The following AGFG1 variants were observed in gnomAD, a reference collection of about 807,000 sequenced individuals.
The protein encoded by AGFG1 is ArfGAP with FG repeats 1.
Under a neutral mutation model 60.6 loss-of-function variants are expected in AGFG1, and 10 were observed. The observed-to-expected ratio is 0.16, with a 90% CI of 0.10 to 0.28. The LOEUF is 0.28. Ranked by LOEUF, AGFG1 falls within the 10% of genes least tolerant of loss-of-function variation. AGFG1 has a pLI of 1.00. For missense variants in AGFG1, 537 were observed against 676.5 expected (o/e 0.79, Z 2.29); for synonymous variants, 247 against 242.9 (o/e 1.02, Z -0.16).
chr2:227,488,934 C>T (rs767502004), intron 1 of AGFG1, among the ~76,000 whole-genome samples: 3 of 152,190 alleles, frequency 2.0e-5, no homozygotes, highest in Non-Finnish European at 4.4e-5. Flanking sequence ...CTGCCTCAGC[C>T]TCCCGAGTAG....
intron 2 of AGFG1, among the ~76,000 whole-genome samples, chr2:227,503,089 C>T (rs1691208640): frequency 2.6e-5 from 4 of 151,808 alleles, no homozygotes. Flanking sequence ...AAAAGTTAGC[C>T]AGGCATGGTG....
intron 1 of AGFG1, among the ~76,000 whole-genome samples, chr2:227,481,099 C>CTTTTTTTTTTTTTTTTTTTT (rs36152184): frequency 4.0e-5 from 3 of 75,726 alleles, no homozygotes; most frequent in Non-Finnish European, 4.7e-5. Context: ...GTGTTTTAGG[C>CTTTTTTTTTTTTTTTTTTTT]TTTTTTTTTT....
chr2:227,551,129 C>A (rs923434413), intron 10 of AGFG1, among the ~76,000 whole-genome samples: 1 of 152,124 alleles, frequency 6.6e-6, no homozygotes, highest in African/African-American at 2.4e-5. Flanking sequence ...GTAATACCAG[C>A]GAGGCATGGC....
At chr2:227,487,798 C>G (rs1690685354) in intron 1 of AGFG1, among the ~76,000 whole-genome samples, 1 of 152,170 alleles carries the variant, frequency 6.6e-6, no homozygotes, top group South Asian at 2.1e-4. Flanking sequence ...ACTCATCACT[C>G]TGAATGCTAC....
chr2:227,542,325 G>C (rs1692516083), intron 10 of AGFG1, among the ~76,000 whole-genome samples: 1 of 152,080 alleles, frequency 6.6e-6, no homozygotes, highest in Admixed American at 6.5e-5. Context: ...ATTATTTTGA[G>C]GTATGTTCCA....
intron 10 of AGFG1, among the ~76,000 whole-genome samples, chr2:227,539,207 C>T (rs1365503028): frequency 6.6e-6 from 1 of 152,110 alleles, no homozygotes; most frequent in African/African-American, 2.4e-5. Context: ...CTTTGGGAGG[C>T]CAAGGCGGGT....
intron 5 of AGFG1, among the ~76,000 whole-genome samples, chr2:227,525,457 C>T (rs1382074736): frequency 6.6e-6 from 1 of 152,162 alleles, no homozygotes; most frequent in East Asian, 1.9e-4. Context: ...TTTCCATACA[C>T]ATACATACGT....
chr2:227,493,277 T>G (rs1690871856), intron 2 of AGFG1, among the ~76,000 whole-genome samples: 1 of 152,212 alleles, frequency 6.6e-6, no homozygotes, highest in African/African-American at 2.4e-5. Flanking sequence ...TTAATCATCT[T>G]GTATAACTGA....
intron 1 of AGFG1, among the ~76,000 whole-genome samples, chr2:227,479,398 T>G (rs962640825): frequency 1.3e-5 from 2 of 152,244 alleles, no homozygotes; most frequent in African/African-American, 4.8e-5. Context: ...AAATTTACAT[T>G]AAATTTTATA....
chr2:227,472,333 C>T lies in AGFG1; in HGVS notation c.-89C>T, dbSNP rs1158110037. 3.5e-6 allele frequency: 3 copies of T among 869,382 alleles called. No individual in the cohort carries two copies. The African/African-American group carries it at 5.5e-5, about 16-fold the overall frequency. 53.9% of individuals were successfully genotyped at this position (869,382 alleles called of 1,614,324 possible). ...GCGCGCAGACGGAGGGCGGCGGCCG[C>T]GGCCAGGGCGGCCCGTGGGACCGCG... On this transcript the variant is annotated 5_prime_UTR_variant, in exon 1 of 13. Coordinates refer to ENST00000310078, the MANE Select transcript of AGFG1 (RefSeq NM_004504.5).
intron 10 of AGFG1, among the ~76,000 whole-genome samples, chr2:227,539,773 G>T (rs1692427935): frequency 1.3e-5 from 2 of 149,728 alleles, no homozygotes; most frequent in African/African-American, 2.5e-5. Flanking sequence ...AAAAAAGGAG[G>T]TACCCTTATT....
chr2:227,525,398 G>A (rs567228712), intron 5 of AGFG1, among the ~76,000 whole-genome samples: 211 of 152,172 alleles, frequency 1.4e-3, no homozygotes, highest in African/African-American at 4.8e-3. Flanking sequence ...CTAAATAATA[G>A]TAGTAATAAT....
chr2:227,536,648 T>C lies in AGFG1; in HGVS notation c.1229T>C (p.Val410Ala). 1.9e-6 allele frequency: 3 copies of C among 1,613,788 alleles called. No individual in the cohort carries two copies. The highest frequency in any genetic ancestry group is 2.5e-6 in the Non-Finnish European group (3 of 1,179,806). Reference sequence around the variant, plus strand: ...AGCAATGTTTTTGGAACAGTGCCAGTGGTTGCTTCTGCACAGACACAGCCT... The same window carrying C: ...AGCAATGTTTTTGGAACAGTGCCAGCGGTTGCTTCTGCACAGACACAGCCT... Reference protein sequence around the residue: ...ASSNVFGTVPVVASAQTQPAS... With the variant: ...ASSNVFGTVPAVASAQTQPAS... Residue 410 changes from valine (V) to alanine (A), a missense_variant, in exon 9 of 13, where the codon GTG (valine) becomes GCG (alanine). Around this residue, in one of 4 missense-constraint regions of AGFG1, gnomAD observed 287 missense variants for 343.6 expected, o/e 0.84. Transcript: ENST00000310078.
intron 10 of AGFG1, among the ~76,000 whole-genome samples, chr2:227,539,155 A>G (rs1466739366): frequency 1.3e-5 from 2 of 152,216 alleles, no homozygotes; most frequent in African/African-American, 2.4e-5. Context: ...CAAATACATT[A>G]ACACTGGCCA....
chr2:227,537,746 C>A (rs1692355299), intron 10 of AGFG1, among the ~76,000 whole-genome samples: 1 of 152,080 alleles, frequency 6.6e-6, no homozygotes, highest in Non-Finnish European at 1.5e-5. Flanking sequence ...AGTTTGTATG[C>A]TTTGTTTTTG....
At chr2:227,497,497 A>G (rs915584920) in intron 2 of AGFG1, among the ~76,000 whole-genome samples, 2 of 151,978 alleles carry the variant, frequency 1.3e-5, no homozygotes, top group African/African-American at 2.4e-5. Flanking sequence ...AGGAGTTTTT[A>G]TACCTCAGAT....
chr2:227,531,620 G>T (rs1313444263), intron 6 of AGFG1, among the ~76,000 whole-genome samples: 81 of 143,240 alleles, frequency 5.7e-4, no homozygotes, highest in African/African-American at 2.1e-3. Flanking sequence ...TTTGGTAGCA[G>T]CTGGGTCTCA....
At chr2:227,497,669 T>C (rs1298778670) in intron 2 of AGFG1, among the ~76,000 whole-genome samples, 1 of 151,796 alleles carries the variant, frequency 6.6e-6, no homozygotes, top group African/African-American at 2.4e-5. Context: ...TGCATACGTC[T>C]TAATTATACC....
At chr2:227,534,754 T>C in intron 7 of AGFG1, 91 bp from the exon 8 acceptor site, 1 of 1,357,090 alleles carries the variant, frequency 7.4e-7, no homozygotes, top group Non-Finnish European at 1.0e-6. Context: ...AAATCCATTT[T>C]AAGTTTACCT....
Sources: allele counts gnomAD v4.1 joint callset (sites outside exome capture counted in the v4.1 genomes callset), GRCh38; gene constraint gnomAD v4.1.1; regional missense constraint gnomAD v4.1.1; transcripts MANE v1.5; gene names NCBI Gene and HGNC (gene_info 2026-07-23, HGNC 2026-07-21).